The following MEGF6 variants were observed in gnomAD, a reference collection of about 807,000 sequenced individuals.
The protein encoded by MEGF6 is multiple epidermal growth factor-like domains protein 6.
Under a neutral mutation model 207.1 loss-of-function variants are expected in MEGF6, and 184 were observed. The ratio of observed to expected loss-of-function variants is 0.89; its 90% CI spans 0.79 to 1.00. The LOEUF is 1.00. MEGF6 is among the 50% of genes least tolerant of loss of function. The pLI, the probability that MEGF6 is intolerant of heterozygous loss-of-function variation, is 0.00. For missense variants in MEGF6, 2,282 were observed against 2,202.9 expected (o/e 1.04, Z -0.72); for synonymous variants, 1,038 against 910.0 (o/e 1.14, Z -2.53).
At chr1:3,564,673 G>C (rs1209255900) in intron 4 of MEGF6, among the ~76,000 whole-genome samples, 1 of 152,166 alleles carries the variant, frequency 6.6e-6, no homozygotes, top group Non-Finnish European at 1.5e-5. Flanking sequence ...AATGTCCAGA[G>C]GTAGCTCCCC....
chr1:3,621,533 A>G, the MEGF6 span, among the ~76,000 whole-genome samples: 1 of 152,244 alleles, frequency 6.6e-6, no homozygotes, highest in African/African-American at 2.4e-5. Flanking sequence ...ATATAATCAT[A>G]TCTATGATCT....
At chr1:3,509,757 A>G in intron 11 of MEGF6, 113 bp downstream of exon 11, 1 of 1,368,262 alleles carries the variant, frequency 7.3e-7, no homozygotes, top group Non-Finnish European at 9.6e-7. Flanking sequence ...GCCAGGGGGC[A>G]AAGGACCCCA....
chr1:3,564,410 CA>C (rs981996692), intron 4 of MEGF6, among the ~76,000 whole-genome samples: 27 of 152,164 alleles, frequency 1.8e-4, no homozygotes, highest in African/African-American at 5.5e-4. Flanking sequence ...GCAGAGGTCA[CA>C]AAAGACTGCA....
chr1:3,568,998 T>C (rs937768815), intron 4 of MEGF6, among the ~76,000 whole-genome samples: 5 of 151,948 alleles, frequency 3.3e-5, no homozygotes, highest in African/African-American at 1.2e-4. Flanking sequence ...TCCAGGCGAG[T>C]GGGCAGAGCC....
rs192029286 is a variant in MEGF6 at position 3,561,111 on chromosome 1, C to T, written c.481+18714G>A. Among the ~76,000 whole-genome samples, 422 of 152,310 alleles carry T rather than the reference C, an allele frequency of 2.8e-3. 3 individuals are homozygous for T. The highest frequency in any genetic ancestry group is 9.6e-3 in the Admixed American group (147 of 15,310). On this transcript the variant is annotated intron_variant, in intron 4 of 36. Coordinates refer to ENST00000356575, the MANE Select transcript of MEGF6 (RefSeq NM_001409.4). Reference sequence around the variant, plus strand: ...AGGACCCGCTGGCAGGAGAGACGGCCTTTCCAAGGGGAGGCGGCACGGCAG... The same window carrying T: ...AGGACCCGCTGGCAGGAGAGACGGCTTTTCCAAGGGGAGGCGGCACGGCAG...
chr1:3,540,843 G>A (rs1210111561), intron 4 of MEGF6, among the ~76,000 whole-genome samples: 1 of 152,210 alleles, frequency 6.6e-6, no homozygotes, highest in Non-Finnish European at 1.5e-5. Context: ...CATCACACTG[G>A]GGAGTCCACT....
intron 4 of MEGF6, among the ~76,000 whole-genome samples, chr1:3,547,832 G>A (rs1040543615): frequency 4.6e-5 from 7 of 152,166 alleles, no homozygotes; most frequent in African/African-American, 1.7e-4. Flanking sequence ...ACTTCCCCCG[G>A]GACTTGGTCC....
intron 17 of MEGF6, among the ~76,000 whole-genome samples, chr1:3,504,586 G>A (rs1046972445): frequency 1.3e-5 from 2 of 151,988 alleles, no homozygotes; most frequent in Non-Finnish European, 2.9e-5. Flanking sequence ...GGCTGGAATC[G>A]CGTCGGGCAG....
chr1:3,596,728 G>C (rs548782906), intron 2 of MEGF6, among the ~76,000 whole-genome samples: 1 of 129,148 alleles, frequency 7.7e-6, no homozygotes, highest in Non-Finnish European at 1.6e-5. Flanking sequence ...CCCAGCCCCC[G>C]TCTCCACCCT....
At chr1:3,561,198 T>A (rs1287191668) in intron 4 of MEGF6, among the ~76,000 whole-genome samples, 1 of 152,162 alleles carries the variant, frequency 6.6e-6, no homozygotes, top group Non-Finnish European at 1.5e-5. Context: ...GGCTTTGAGC[T>A]GAGCTCCAGG....
At chr1:3,563,688 A>T (rs1318244919) in intron 4 of MEGF6, among the ~76,000 whole-genome samples, 2 of 152,130 alleles carry the variant, frequency 1.3e-5, no homozygotes, top group Non-Finnish European at 1.5e-5. Flanking sequence ...CTCCCCTGAC[A>T]CCCCTAAGAA....
At chr1:3,542,270 G>A (rs1251101555) in intron 4 of MEGF6, among the ~76,000 whole-genome samples, 2 of 152,240 alleles carry the variant, frequency 1.3e-5, no homozygotes, top group Non-Finnish European at 2.9e-5. Context: ...TCCTCCTTCT[G>A]AACAGCACAG....
intron 3 of MEGF6, among the ~76,000 whole-genome samples, chr1:3,587,489 T>C (rs1249863690): frequency 1.3e-5 from 2 of 152,288 alleles, no homozygotes; most frequent in Non-Finnish European, 2.9e-5. Flanking sequence ...ATTTATATAT[T>C]GACTAAGTAC....
rs747495164 is a variant in MEGF6 at position 3,506,240 on chromosome 1, G to C, written c.1790-4C>G. ...CCATAGTAGCCCTTGGGGCAGCCTG[G>C]GGGCAGCGGGGCTCCATGTGAACCT... On this transcript the variant is annotated splice_polypyrimidine_tract_variant and splice_region_variant and intron_variant, in intron 14 of 36. Coordinates refer to ENST00000356575, the MANE Select transcript of MEGF6 (RefSeq NM_001409.4). 3.0e-5 allele frequency: 49 copies of C among 1,607,696 alleles called. No individual in the cohort carries two copies. The East Asian group carries it at 8.3e-4, about 27-fold the overall frequency.
chr1:3,578,802 T>C (rs2487685), intron 4 of MEGF6, among the ~76,000 whole-genome samples: 2,670 of 105,880 alleles, frequency 0.025, 66 homozygotes, highest in African/African-American at 0.091. Context: ...CTCCTCAGCC[T>C]GGTCCCCAGC....
chr1:3,509,121 C>T lies in MEGF6; in HGVS notation c.1482G>A (p.Glu494=), dbSNP rs767161835. The part of the protein sequence containing the change: ...LFQDDDVGAD[E]EEAELRGEHT... ...GTTCGCCCCGCAACTCTGCCTCTTC[C>T]TCATCGGCCCCGACGTCGTCATCCT... is the stretch of plus-strand genomic sequence containing the variant. The change falls in exon 12 of 37, where the codon GAG becomes GAA. Residue 494 remains glutamate (E), a synonymous_variant. Coordinates refer to ENST00000356575, the MANE Select transcript of MEGF6 (RefSeq NM_001409.4). 1 of 1,601,834 alleles carries T rather than the reference C, an allele frequency of 6.2e-7. No individual in the cohort carries two copies.
intron 27 of MEGF6, 48 bp downstream of exon 27, chr1:3,497,185 T>C: frequency 6.5e-7 from 1 of 1,535,898 alleles, no homozygotes; most frequent in Non-Finnish European, 8.8e-7. Context: ...CCTCTCTGGA[T>C]TCCCCCTGCC....
At chr1:3,513,306 G>A (rs1641419456) in intron 7 of MEGF6, among the ~76,000 whole-genome samples, 1 of 151,788 alleles carries the variant, frequency 6.6e-6, no homozygotes, top group South Asian at 2.1e-4. Context: ...CAACCTCCTG[G>A]GCTCAAGTGA....
chr1:3,595,447 T>C lies in MEGF6; in HGVS notation c.267A>G (p.Arg89=), dbSNP rs1393883160. The C allele has an allele frequency of 1.2e-6, 2 of 1,611,666 alleles. No homozygotes were observed. Among genetic ancestry groups the C allele is most frequent in the African/African-American group, 2.7e-5 (2 of 74,888 alleles). Residue 89 remains arginine, a splice_region_variant and synonymous_variant, in exon 3 of 37, where the codon AGA becomes AGG. Coordinates refer to ENST00000356575, the MANE Select transcript of MEGF6 (RefSeq NM_001409.4). ...WQAWCVGHER[R]TVYYMGYRQV... ...GCCTGTAGCCCATGTAGTAGACGGT[T>C]CTAGAAAGAAAGAGAGAAGGGAAGT...
Sources: gnomAD v4.1 joint callset for allele counts (sites outside exome capture counted in the v4.1 genomes callset) on GRCh38, gnomAD v4.1.1 for gene constraint, MANE v1.5 for transcripts, NCBI Gene and HGNC (gene_info 2026-07-23, HGNC 2026-07-21) for gene names.